Variants in NDRG2 observed in about 807,000 individuals in gnomAD.
The protein encoded by NDRG2 is protein NDRG2.
Under a neutral mutation model 58.2 loss-of-function variants are expected in NDRG2, and 34 were observed. The observed-to-expected ratio is 0.58, with a 90% CI of 0.44 to 0.78. The LOEUF is 0.78. Among genes scored for constraint, NDRG2 ranks in the 30% least tolerant of loss-of-function variants. NDRG2 has a pLI of 0.00. For synonymous variants in NDRG2, 187 were observed against 175.9 expected, an observed-to-expected ratio of 1.06 and a Z score of -0.50; for missense variants, 434 against 471.2, an observed-to-expected ratio of 0.92 and a Z score of 0.73.
chr14:21,046,555 A>ATACC (rs879326518), intron 1 of NDRG2, among the ~76,000 whole-genome samples: 2,819 of 150,698 alleles, frequency 0.019, 68 homozygotes, highest in African/African-American at 0.054. Context: ...ACATACATAC[A>ATACC]TACATACATA....
At chr14:21,064,832 A>G (rs540329825) in intron 1 of NDRG2, among the ~76,000 whole-genome samples, 2 of 152,318 alleles carry the variant, frequency 1.3e-5, no homozygotes, top group East Asian at 1.9e-4. Context: ...CTTCTACTAC[A>G]ATAAGCCTAC....
rs1318838067 is a variant in NDRG2 at position 21,070,386 on chromosome 14, G to A, written c.24+442C>T. 23 of 1,409,074 alleles carry A rather than the reference G, an allele frequency of 1.6e-5. No individual in the cohort carries two copies. Among genetic ancestry groups the A allele is most frequent in the Non-Finnish European group, 1.8e-5 (20 of 1,090,270 alleles). The allele number at this position is 1,409,074 out of a possible 1,614,324, so 87.3% of individuals were successfully genotyped here. On this transcript the variant is annotated intron_variant, in intron 1 of 14. Transcript: ENST00000403829. The surrounding 1 kb of genome is among the most constrained non-coding windows in gnomAD (Gnocchi z 4.7). ...CCCGACCAAGCGTCGGACGCGGCCCGGCGCCGAGCCATGGTGAGTCCAGCG... is the reference window on the plus strand; with the variant it reads ...CCCGACCAAGCGTCGGACGCGGCCCAGCGCCGAGCCATGGTGAGTCCAGCG...
At position 21,070,158 on chromosome 14, in the gene NDRG2, G is replaced by A. The variant is rs1886573167; in HGVS notation, c.24+670C>T. 3 of 229,242 alleles carry A rather than the reference G, an allele frequency of 1.3e-5. No individual in the cohort carries two copies. The highest frequency in any genetic ancestry group is 1.1e-4 in the Admixed American group (2 of 17,518). 14.2% of individuals were successfully genotyped at this position (229,242 alleles called of 1,614,324 possible). A position where few individuals can be genotyped will look rare whatever the true frequency, so the allele number is the denominator to read the frequency against. ...ATCTCGGCGCGGGAGACAGAGTCCC[G>A]GCAAGGGGTCCCGCGCGGAGGCGGG... is the stretch of plus-strand genomic sequence containing the variant. On this transcript the variant is annotated intron_variant, in intron 1 of 14. Transcript: ENST00000403829. This position sits in a 1 kb window ranked among gnomAD's most constrained non-coding sequence, Gnocchi z 4.7.
At chr14:21,052,218 G>C (rs917979492) in intron 1 of NDRG2, among the ~76,000 whole-genome samples, 5 of 152,268 alleles carry the variant, frequency 3.3e-5, no homozygotes, top group African/African-American at 1.2e-4. Context: ...AGCTAGCCAT[G>C]TGCCTGGCAC....
At chr14:21,019,889 C>T (rs200149242) in intron 9 of NDRG2, 31 bp downstream of exon 9, 31 of 1,611,814 alleles carry the variant, frequency 1.9e-5, no homozygotes, top group Admixed American at 1.8e-4. Flanking sequence ...CTGCTCCCGT[C>T]GACTCTTCTA....
chr14:21,029,110 T>C (rs909504124), upstream of NDRG2: 1 of 152,222 alleles, frequency 6.6e-6, no homozygotes, highest in Admixed American at 6.5e-5. Context: ...ACATCTGTTA[T>C]ACTCCAAGGC....
At chr14:21,036,652 C>T (rs1451799965) in intron 1 of NDRG2, among the ~76,000 whole-genome samples, 1 of 152,120 alleles carries the variant, frequency 6.6e-6, no homozygotes, top group Non-Finnish European at 1.5e-5. Flanking sequence ...GCCTGCTTCC[C>T]ACCTTGTCCC....
chr14:21,016,823 G>A lies in NDRG2; in HGVS notation c.*773C>T, dbSNP rs1307576150. 4 of 454,664 alleles carry A rather than the reference G, an allele frequency of 8.8e-6. No homozygotes were observed. The highest frequency in any genetic ancestry group is 1.3e-5 in the Non-Finnish European group (3 of 225,728). 28.2% of individuals were successfully genotyped at this position (454,664 alleles called of 1,614,324 possible). ...TAGCAGAAGTTGTGGGAGACGGGAG[G>A]GCACCCTCCACACATACTACAGTGT... is the stretch of plus-strand genomic sequence containing the variant. On this transcript the variant is annotated 3_prime_UTR_variant, in exon 16 of 16. Coordinates refer to ENST00000556147, the MANE Select transcript of NDRG2 (RefSeq NM_001320329.2).
chr14:21,025,245 G>A (rs1281760656), upstream of NDRG2: 12 of 847,946 alleles, frequency 1.4e-5, no homozygotes, highest in Non-Finnish European at 1.7e-5. This position sits in a 1 kb window ranked among gnomAD's most constrained non-coding sequence, Gnocchi z 5.1. Flanking sequence ...GGGGGCGAGG[G>A]GCGGGCGGCT....
At chr14:21,033,611 G>C in intron 1 of NDRG2, 1 of 596,724 alleles carries the variant, frequency 1.7e-6, no homozygotes, top group Non-Finnish European at 3.0e-6. Context: ...GGGGCGAAGA[G>C]GGGGTAAACA....
At chr14:21,058,760 T>TAAGG (rs949585391) in intron 1 of NDRG2, among the ~76,000 whole-genome samples, 5 of 152,178 alleles carry the variant, frequency 3.3e-5, no homozygotes, top group Non-Finnish European at 5.9e-5. Context: ...GGTAATTATC[T>TAAGG]AAGGAAGGAA....
At chr14:21,045,885 G>T (rs1885121062) in intron 1 of NDRG2, among the ~76,000 whole-genome samples, 1 of 152,124 alleles carries the variant, frequency 6.6e-6, no homozygotes, top group South Asian at 2.1e-4. Context: ...CTGAGGACCT[G>T]GAAATATTCT....
At chr14:21,019,573 TCCC>T (rs1324679464) in intron 10 of NDRG2, 63 bp downstream of exon 10, 2 of 1,074,998 alleles carry the variant, frequency 1.9e-6, no homozygotes, top group Admixed American at 3.9e-5. Context: ...CCTCTGTGCC[TCCC>T]CCATGACGCC....
At chr14:21,023,499 C>T in intron 1 of NDRG2, 178 bp from the exon 2 acceptor site, 3 of 601,364 alleles carry the variant, frequency 5.0e-6, no homozygotes, top group Admixed American at 5.8e-5. Flanking sequence ...CCAGGCTGAT[C>T]GGTGGAAGCT....
intron 1 of NDRG2, chr14:21,031,838 G>C (rs1884195682): frequency 6.3e-7 from 1 of 1,575,328 alleles, no homozygotes; most frequent in Non-Finnish European, 8.7e-7. Context: ...TTTGGGGAAG[G>C]GATATGACAG....
Position 21,023,326 on chromosome 14 carries a change from C to A in NDRG2, c.-6-5G>T, listed in dbSNP as rs968920861. ...CTGCAGCTCCGCCATGGTGGCCTGG[C>A]AGGATGAGGAAATGAGACTGGGAAG... On this transcript the variant is annotated splice_region_variant and splice_polypyrimidine_tract_variant and intron_variant, in intron 1 of 15. Transcript: ENST00000556147. 5 of 1,611,802 alleles carry A rather than the reference C, an allele frequency of 3.1e-6. No homozygotes were observed. The East Asian group carries it at 8.9e-5, about 29-fold the overall frequency.
At chr14:21,055,223 C>A (rs1331225230) in intron 1 of NDRG2, among the ~76,000 whole-genome samples, 2 of 152,300 alleles carry the variant, frequency 1.3e-5, no homozygotes, top group Admixed American at 1.3e-4. Flanking sequence ...TTTCCAGGTA[C>A]TTAGGAATTC....
At chr14:21,038,646 G>A (rs1682399420) in intron 1 of NDRG2, among the ~76,000 whole-genome samples, 1 of 152,228 alleles carries the variant, frequency 6.6e-6, no homozygotes, top group South Asian at 2.1e-4. Context: ...AGAAAAATCA[G>A]AGATAAAGTT....
Position 21,025,047 on chromosome 14 carries a change from C to T in NDRG2, c.-1024G>A. 2.0e-6 allele frequency: 2 copies of T among 986,142 alleles called. No individual in the cohort carries two copies. The highest frequency in any genetic ancestry group is 2.4e-6 in the Non-Finnish European group (2 of 830,548). 61.1% of individuals were successfully genotyped at this position (986,142 alleles called of 1,614,324 possible). ...CCCCTACCTGCTGCCGCCGCGGCCG[C>T]TTCCACCTTCACTTGCCTTTGACTC... On this transcript the variant is annotated 5_prime_UTR_variant, in exon 1 of 16. Coordinates refer to ENST00000556147, the MANE Select transcript of NDRG2 (RefSeq NM_001320329.2). This position sits in a 1 kb window ranked among gnomAD's most constrained non-coding sequence, Gnocchi z 5.1.
Sources: allele counts gnomAD v4.1 joint callset (sites outside exome capture counted in the v4.1 genomes callset), GRCh38; gene constraint gnomAD v4.1.1; non-coding constraint Gnocchi (gnomAD v3.1); transcripts MANE v1.5; gene names NCBI Gene and HGNC (gene_info 2026-07-23, HGNC 2026-07-21).